Variants in SHQ1 observed in about 807,000 individuals in gnomAD.
SHQ1 encodes protein SHQ1 homolog.
SHQ1 carries 49 observed loss-of-function variants against 53.8 expected under a neutral mutation model. The ratio of observed to expected loss-of-function variants is 0.91; its 90% CI spans 0.72 to 1.16. SHQ1 has a LOEUF of 1.16. SHQ1 is among the 50% of genes most tolerant of loss of function. SHQ1 has a pLI of 0.00. For synonymous variants in SHQ1, 243 were observed against 251.0 expected (o/e 0.97, Z 0.30); for missense variants, 738 against 683.1 (o/e 1.08, Z -0.90).
intron 9 of SHQ1, chr3:72,794,091 G>A (rs1706526758): frequency 6.6e-6 from 1 of 152,066 alleles, no homozygotes; most frequent in Non-Finnish European, 1.5e-5. Context: ...CATTTTCTTT[G>A]ATCTGTGAAA....
rs114597274 is a variant in SHQ1, at chr3:72,822,708, G to A, written c.727+1716C>T. 8.3e-3 allele frequency among the ~76,000 whole-genome samples: 1,271 copies of A among 152,248 alleles called. 21 individuals are homozygous for A. The highest frequency in any genetic ancestry group is 0.027 in the African/African-American group (1,132 of 41,526). ...CAAACTTCATGATCAGATCTACCTAGCATGTACAATTAACTATCTATATTC... is the reference window on the plus strand; with the variant it reads ...CAAACTTCATGATCAGATCTACCTAACATGTACAATTAACTATCTATATTC... On this transcript the variant is annotated intron_variant, in intron 6 of 10. Transcript: ENST00000325599.
intron 9 of SHQ1, among the ~76,000 whole-genome samples, chr3:72,803,057 A>G (rs765057739): frequency 7.2e-5 from 11 of 152,186 alleles, no homozygotes; most frequent in Non-Finnish European, 1.5e-4. Context: ...CACTGCAGCT[A>G]AAACTGGCAG....
At chr3:72,797,388 T>C (rs887812285) in intron 9 of SHQ1, among the ~76,000 whole-genome samples, 3 of 152,238 alleles carry the variant, frequency 2.0e-5, no homozygotes, top group Non-Finnish European at 2.9e-5. Flanking sequence ...GGCATTGTTC[T>C]ACATGTGGGA....
intron 9 of SHQ1, among the ~76,000 whole-genome samples, chr3:72,801,826 T>C (rs1706798705): frequency 6.6e-6 from 1 of 152,242 alleles, no homozygotes; most frequent in Admixed American, 6.5e-5. Flanking sequence ...ATTTTGACTA[T>C]GAAATTAAGA....
intron 5 of SHQ1, among the ~76,000 whole-genome samples, chr3:72,832,018 A>G (rs1707837946): frequency 6.6e-6 from 1 of 152,228 alleles, no homozygotes; most frequent in Non-Finnish European, 1.5e-5. Context: ...ATTGAAACAT[A>G]TTTTCATTTA....
chr3:72,773,036 T>G, intron 10 of SHQ1: 2 of 1,019,788 alleles, frequency 2.0e-6, no homozygotes, highest in Admixed American at 3.7e-5. Context: ...TCTAATCCAA[T>G]CAAAGAAGAA....
intron 10 of SHQ1, among the ~76,000 whole-genome samples, chr3:72,764,777 T>C (rs944808456): frequency 2.6e-5 from 4 of 152,182 alleles, no homozygotes; most frequent in African/African-American, 9.6e-5. Context: ...ACCATGATGT[T>C]TGGAACACCC....
At chr3:72,736,610 G>A in the SHQ1 span, among the ~76,000 whole-genome samples, 8 of 148,058 alleles carry the variant, frequency 5.4e-5, no homozygotes, top group African/African-American at 2.5e-5. Context: ...GGCCAACATG[G>A]TGAAACCCCA....
At chr3:72,806,952 A>C (rs996024655) in intron 9 of SHQ1, among the ~76,000 whole-genome samples, 3 of 152,234 alleles carry the variant, frequency 2.0e-5, no homozygotes, top group Admixed American at 2.0e-4. Context: ...CGGCTAGTGA[A>C]CACGTCCCCA....
intron 9 of SHQ1, among the ~76,000 whole-genome samples, chr3:72,800,170 T>C (rs940033997): frequency 2.0e-5 from 3 of 152,154 alleles, no homozygotes; most frequent in African/African-American, 7.2e-5. Flanking sequence ...TCTCACCATG[T>C]GATACCCTCT....
chr3:72,815,295 A>G (rs1707276917), intron 8 of SHQ1, 55 bp downstream of exon 8: 1 of 1,488,216 alleles, frequency 6.7e-7, no homozygotes, highest in Admixed American at 1.7e-5. Context: ...TGTAAAAACA[A>G]CAAAAATAAC....
chr3:72,782,981 G>A (rs1236692012), intron 10 of SHQ1, among the ~76,000 whole-genome samples: 1 of 152,160 alleles, frequency 6.6e-6, no homozygotes, highest in African/African-American at 2.4e-5. Flanking sequence ...GATCCTGTGG[G>A]TCTCCCTCCA....
At chr3:72,760,928 G>C (rs1208088898) in intron 10 of SHQ1, among the ~76,000 whole-genome samples, 3 of 152,052 alleles carry the variant, frequency 2.0e-5, no homozygotes, top group Admixed American at 1.3e-4. Context: ...TCACAAAATA[G>C]ACCTTCATAT....
chr3:72,729,909 C>A, the SHQ1 span, among the ~76,000 whole-genome samples: 1 of 152,168 alleles, frequency 6.6e-6, no homozygotes, highest in Non-Finnish European at 1.5e-5. Flanking sequence ...GCTCTGCCCC[C>A]CGGGGTTCAC....
chr3:72,741,850 ATAG>A, the SHQ1 span, among the ~76,000 whole-genome samples: 1 of 152,182 alleles, frequency 6.6e-6, no homozygotes, highest in Non-Finnish European at 1.5e-5. Context: ...TAAAAATAAT[ATAG>A]TATACTAACA....
intron 9 of SHQ1, among the ~76,000 whole-genome samples, chr3:72,798,739 T>TG (rs956744247): frequency 6.6e-6 from 1 of 152,250 alleles, no homozygotes; most frequent in African/African-American, 2.4e-5. Flanking sequence ...AGCTCATGGC[T>TG]GGAGGCACTT....
downstream of SHQ1, among the ~76,000 whole-genome samples, chr3:72,748,005 ACACT>A (rs1705285533): frequency 6.6e-6 from 1 of 151,400 alleles, no homozygotes; most frequent in South Asian, 2.1e-4. Context: ...AAAAAAACAC[ACACT>A]CACATTAGAG....
At chr3:72,787,870 A>T (rs1460373173) in intron 10 of SHQ1, among the ~76,000 whole-genome samples, 1 of 152,144 alleles carries the variant, frequency 6.6e-6, no homozygotes, top group Non-Finnish European at 1.5e-5. Context: ...GTGCGCCGCC[A>T]CGCCTGACTG....
rs774719132 is a variant in SHQ1, at chr3:72,841,146, T to A, written c.385A>T (p.Ile129Phe). 1.9e-6 allele frequency: 3 copies of A among 1,613,836 alleles called. No individual in the cohort carries two copies. Among genetic ancestry groups the A allele is most frequent in the East Asian group, 2.2e-5 (1 of 44,876 alleles). Residue 129 changes from isoleucine (I) to phenylalanine (F), a missense_variant, in exon 4 of 11, where the codon ATT becomes TTT. By Grantham distance (21) the Ile-to-Phe change is conservative. Transcript: ENST00000325599. ...VVDDEEFDWE[I>F]EQTPCEEVSE... is the part of the protein sequence containing the mutation. ...ACCTCTTCACAGGGTGTCTGCTCAA[T>A]TTCCCAATCAAACTCTTCATCGTCA...
Sources: gnomAD v4.1 joint callset for allele counts (sites outside exome capture counted in the v4.1 genomes callset) on GRCh38, gnomAD v4.1.1 for gene constraint, MANE v1.5 for transcripts, NCBI Gene and HGNC (gene_info 2026-07-23, HGNC 2026-07-21) for gene names.